ATP6V0D1: variants seen among roughly 807,000 people sequenced by gnomAD.
ATP6V0D1 encodes ATPase H+ transporting V0 subunit d1.
In ATP6V0D1, 13 loss-of-function variants were observed where a neutral mutation model predicts 39.0. That is an observed-to-expected ratio of 0.33 (90% CI 0.22 to 0.53). ATP6V0D1 has a LOEUF of 0.53. ATP6V0D1 is among the 20% of genes least tolerant of loss of function. The pLI, the probability that ATP6V0D1 is intolerant of heterozygous loss-of-function variation, is 0.94. For missense variants in ATP6V0D1, 272 were observed against 470.9 expected (o/e 0.58, Z 3.91); for synonymous variants, 191 against 191.2 (o/e 1.00, Z 0.01).
chr16:67,444,738 T>C lies in ATP6V0D1; in HGVS notation c.303-32A>G. 1 of 1,551,716 alleles carries C rather than the reference T, an allele frequency of 6.4e-7. No individual in the cohort carries two copies. Among genetic ancestry groups the C allele is most frequent in the Non-Finnish European group, 8.7e-7 (1 of 1,145,168 alleles). On this transcript the variant is annotated intron_variant, in intron 2 of 7. Coordinates refer to ENST00000290949, the MANE Select transcript of ATP6V0D1 (RefSeq NM_004691.5). The surrounding 1 kb of genome is among the most constrained non-coding windows in gnomAD (Gnocchi z 4.8). ...GGGGCAGGCAATAGCAAGGAGCCCA[T>C]CAAGGTGGGGGCCGGGAAGTCCTGG...
At chr16:67,459,911 C>A (rs1196790928) in intron 1 of ATP6V0D1, among the ~76,000 whole-genome samples, 1 of 152,252 alleles carries the variant, frequency 6.6e-6, no homozygotes, top group African/African-American at 2.4e-5. Context: ...GAGGCTCCCC[C>A]ATGGCCTCAT....
Position 67,447,400 on chromosome 16 carries a change from C to T in ATP6V0D1, c.303-2694G>A, listed in dbSNP as rs193116980. On this transcript the variant is annotated intron_variant, in intron 2 of 7. Transcript: ENST00000290949. This position sits in a 1 kb window ranked among gnomAD's most constrained non-coding sequence, Gnocchi z 4.1. ...CAGCAGTCTGCCTTTCTCCCAAGGC[C>T]GAGGCCTTCGGCAGGCAGGGAAATC... 5.2e-4 allele frequency among the ~76,000 whole-genome samples: 79 copies of T among 152,354 alleles called. 1 individual carries two copies. Among genetic ancestry groups the T allele is most frequent in the East Asian group, 3.5e-3 (18 of 5,188 alleles).
At chr16:67,452,403 G>A (rs2142311947) in intron 2 of ATP6V0D1, 1 of 1,535,490 alleles carries the variant, frequency 6.5e-7, no homozygotes, top group Admixed American at 2.0e-5. Context: ...TTGAGCAAGT[G>A]GATCCTGGGC....
chr16:67,460,662 C>A (rs1360516825), intron 1 of ATP6V0D1, among the ~76,000 whole-genome samples: 1 of 152,136 alleles, frequency 6.6e-6, no homozygotes, highest in East Asian at 1.9e-4. Context: ...GCCAGCTTTC[C>A]CCCCTCCCCC....
At chr16:67,469,378 A>G (rs527437040) in intron 1 of ATP6V0D1, among the ~76,000 whole-genome samples, 1 of 152,352 alleles carries the variant, frequency 6.6e-6, no homozygotes, top group East Asian at 1.9e-4. Context: ...TGTAACCAAC[A>G]AAGGGAATAC....
At chr16:67,466,862 G>A (rs1329212397) in intron 1 of ATP6V0D1, among the ~76,000 whole-genome samples, 1 of 152,090 alleles carries the variant, frequency 6.6e-6, no homozygotes, top group Non-Finnish European at 1.5e-5. Context: ...AAGCCAAACC[G>A]GAGACCACAC....
At position 67,470,273 on chromosome 16, in the gene ATP6V0D1, C is replaced by T. The variant is rs185687341; in HGVS notation, c.130+10684G>A. ...TTTGACAAAGGGGTGACAATGTATA[C>T]CCCTTGGAGAGTCTACACCAAGTCA... On this transcript the variant is annotated intron_variant, in intron 1 of 7. Transcript: ENST00000290949. Among the ~76,000 whole-genome samples the T allele has an allele frequency of 1.1e-4, 16 of 152,258 alleles. No individual in the cohort carries two copies. The East Asian group carries it at 3.1e-3, about 29-fold the overall frequency.
intron 1 of ATP6V0D1, among the ~76,000 whole-genome samples, chr16:67,465,437 G>C (rs1371791723): frequency 6.6e-6 from 1 of 152,216 alleles, no homozygotes; most frequent in African/African-American, 2.4e-5. Flanking sequence ...TCCCTCTCCT[G>C]GAGAGGCCAG....
chr16:67,453,788 C>T lies in ATP6V0D1; in HGVS notation c.131-73G>A, dbSNP rs2041208564. ...CAAGGGTCCCAAGTCCCCATCCCCA[C>T]CCCAACTCAGCCCCAGCTCTCCCCT... On this transcript the variant is annotated intron_variant, in intron 1 of 7. Coordinates refer to ENST00000290949, the MANE Select transcript of ATP6V0D1 (RefSeq NM_004691.5). The surrounding 1 kb of genome is among the most constrained non-coding windows in gnomAD (Gnocchi z 4.1). 1.4e-6 allele frequency: 2 copies of T among 1,467,366 alleles called. No homozygotes were observed. Among genetic ancestry groups the T allele is most frequent in the Non-Finnish European group, 1.9e-6 (2 of 1,068,098 alleles). The allele number at this position is 1,467,366 out of a possible 1,614,324, so 90.9% of individuals were successfully genotyped here.
intron 1 of ATP6V0D1, chr16:67,457,722 C>A: frequency 9.0e-7 from 1 of 1,110,676 alleles, no homozygotes; most frequent in Non-Finnish European, 1.2e-6. Flanking sequence ...TTCTGCAGGC[C>A]CCCCACTCCT....
At chr16:67,441,469 G>T (rs1284950448) in intron 4 of ATP6V0D1, 1 of 152,296 alleles carries the variant, frequency 6.6e-6, no homozygotes, top group African/African-American at 2.4e-5. Context: ...CCCGGTGAGG[G>T]CATGGGTGAG....
chr16:67,465,696 T>C (rs1271146612), intron 1 of ATP6V0D1, among the ~76,000 whole-genome samples: 1 of 152,096 alleles, frequency 6.6e-6, no homozygotes, highest in African/African-American at 2.4e-5. Context: ...GCAAAGAGCA[T>C]CAGGAAATGT....
chr16:67,471,244 T>C (rs1296622541), intron 1 of ATP6V0D1, among the ~76,000 whole-genome samples: 1 of 152,212 alleles, frequency 6.6e-6, no homozygotes, highest in Non-Finnish European at 1.5e-5. Flanking sequence ...TGGAGTACAG[T>C]GGGGGTGACC....
intron 4 of ATP6V0D1, chr16:67,439,589 ACTGT>A (rs2142295068): frequency 1.7e-6 from 1 of 574,022 alleles, no homozygotes; most frequent in East Asian, 2.9e-5. Flanking sequence ...GGCCCACCCG[ACTGT>A]CTGCTTCAGG....
At chr16:67,454,015 A>T (rs2041211219) in intron 1 of ATP6V0D1, among the ~76,000 whole-genome samples, 1 of 152,160 alleles carries the variant, frequency 6.6e-6, no homozygotes. Flanking sequence ...TCCAATCCAC[A>T]ACCCACAGCC....
At chr16:67,475,345 T>C (rs1159899909) in intron 1 of ATP6V0D1, among the ~76,000 whole-genome samples, 1 of 152,200 alleles carries the variant, frequency 6.6e-6, no homozygotes, top group East Asian at 1.9e-4. Context: ...TCTCTCTTCT[T>C]CCTGCATAAA....
chr16:67,446,629 C>A (rs989988540), intron 2 of ATP6V0D1, among the ~76,000 whole-genome samples: 6 of 152,178 alleles, frequency 3.9e-5, no homozygotes, highest in African/African-American at 1.2e-4. Context: ...AGCACACACG[C>A]CTCCTGCCTA....
intron 1 of ATP6V0D1, among the ~76,000 whole-genome samples, chr16:67,476,302 C>T (rs546490952): frequency 1.9e-4 from 29 of 150,624 alleles, no homozygotes; most frequent in Admixed American, 1.7e-3. Context: ...ACTTGGCAGT[C>T]AACTGAAAAA....
chr16:67,464,310 G>A (rs552730182), intron 1 of ATP6V0D1, among the ~76,000 whole-genome samples: 301 of 152,316 alleles, frequency 2.0e-3, no homozygotes, highest in Admixed American at 4.4e-3. Context: ...ACAAATGGAA[G>A]AATAGATAAA....
Sources: gnomAD v4.1 joint callset for allele counts (sites outside exome capture counted in the v4.1 genomes callset) on GRCh38, gnomAD v4.1.1 for gene constraint, Gnocchi (gnomAD v3.1) non-coding constraint, MANE v1.5 for transcripts, NCBI Gene and HGNC (gene_info 2026-07-23, HGNC 2026-07-21) for gene names.